Variants in TMC1 observed in about 807,000 individuals in gnomAD.
TMC1 encodes the protein transmembrane channel like 1, also known as transmembrane channel-like protein 1.
A neutral mutation model predicts 105.8 loss-of-function variants in TMC1; 84 were observed. That is an observed-to-expected ratio of 0.79 (90% CI 0.67 to 0.95). The LOEUF (loss-of-function observed/expected upper bound fraction) is 0.95. Ranked by LOEUF, TMC1 falls within the 40% of genes least tolerant of loss-of-function variation. The pLI, the probability that TMC1 is intolerant of heterozygous loss-of-function variation, is 0.00. For synonymous variants in TMC1, 315 were observed against 311.5 expected (o/e 1.01, Z -0.12); for missense variants, 817 against 914.1 (o/e 0.89, Z 1.37).
chr9:72,605,174 C>T (rs991161471), intron 2 of TMC1, among the ~76,000 whole-genome samples: 1 of 152,150 alleles, frequency 6.6e-6, no homozygotes, highest in Non-Finnish European at 1.5e-5. Flanking sequence ...AATCACTGCT[C>T]ATCATATTAC....
At chr9:72,609,801 C>A (rs759160929) in intron 2 of TMC1, among the ~76,000 whole-genome samples, 4 of 146,746 alleles carry the variant, frequency 2.7e-5, no homozygotes, top group Non-Finnish European at 6.0e-5. Context: ...TTTTTTTTTT[C>A]TTTGCCTGAA....
chr9:72,738,871 A>G (rs1173826268), intron 8 of TMC1, among the ~76,000 whole-genome samples: 1 of 152,180 alleles, frequency 6.6e-6, no homozygotes, highest in African/African-American at 2.4e-5. Flanking sequence ...GGCTTGGGTT[A>G]TCTGTTTCTA....
Position 72,656,107 on chromosome 9 carries a change from A to C in TMC1, c.16+7443A>C, listed in dbSNP as rs865807426. ...AGCACACACCTTCGCCAGGGATTTT[A>C]CATTGCAGCTTGTTAGAGTGATTCG... On this transcript the variant is annotated intron_variant, in intron 5 of 23. Coordinates refer to ENST00000297784, the MANE Select transcript of TMC1 (RefSeq NM_138691.3). 12 of 674,238 alleles carry C rather than the reference A, an allele frequency of 1.8e-5. No individual in the cohort carries two copies. The African/African-American group carries it at 2.1e-4, about 12-fold the overall frequency. The allele number at this position is 674,238 out of a possible 1,614,324, so 41.8% of individuals were successfully genotyped here.
intron 18 of TMC1, among the ~76,000 whole-genome samples, chr9:72,810,750 G>T (rs1261128964): frequency 6.6e-6 from 1 of 152,124 alleles, no homozygotes; most frequent in Admixed American, 6.6e-5. Flanking sequence ...GTATGCAAAT[G>T]TAGTATAATT....
chr9:72,524,145 C>T (rs1386983336), intron 1 of TMC1, among the ~76,000 whole-genome samples: 1 of 152,136 alleles, frequency 6.6e-6, no homozygotes, highest in Non-Finnish European at 1.5e-5. Context: ...ATCAGTTGAG[C>T]TTTTGCAGAA....
At chr9:72,664,981 T>C (rs1015863685) in intron 5 of TMC1, among the ~76,000 whole-genome samples, 1 of 152,192 alleles carries the variant, frequency 6.6e-6, no homozygotes, top group Non-Finnish European at 1.5e-5. Context: ...CCCTGGCTCC[T>C]GCACCTATCT....
chr9:72,822,442 A>G (rs1210785715), intron 20 of TMC1, among the ~76,000 whole-genome samples: 1 of 152,064 alleles, frequency 6.6e-6, no homozygotes, highest in Non-Finnish European at 1.5e-5. Flanking sequence ...ATGTTAAGCC[A>G]GCTGATCGAG....
At position 72,680,424 on chromosome 9, in the gene TMC1, C is replaced by T. The variant is rs1450756304; in HGVS notation, c.17-8285C>T. On this transcript the variant is annotated intron_variant, in intron 5 of 23. Coordinates refer to ENST00000297784, the MANE Select transcript of TMC1 (RefSeq NM_138691.3). ...TGTTGACTGTGTTAACTCATATTCC[C>T]GGTTAGGTAGCAAGTCCTATGAAGT... Among the ~76,000 whole-genome samples the T allele has an allele frequency of 4.0e-5, 6 of 151,882 alleles. No individual in the cohort carries two copies. The East Asian group carries it at 7.7e-4, about 20-fold the overall frequency.
At chr9:72,787,041 G>A (rs1159499153) in intron 13 of TMC1, among the ~76,000 whole-genome samples, 1 of 145,162 alleles carries the variant, frequency 6.9e-6, no homozygotes, top group Non-Finnish European at 1.5e-5. Flanking sequence ...AAAGCATTTT[G>A]TATGGCTTTT....
chr9:72,541,415 C>T (rs1343430683), intron 1 of TMC1, among the ~76,000 whole-genome samples: 2 of 152,092 alleles, frequency 1.3e-5, no homozygotes, highest in African/African-American at 2.4e-5. Context: ...CGGCTGGGTG[C>T]GATGGCTCAT....
intron 8 of TMC1, among the ~76,000 whole-genome samples, chr9:72,726,274 T>C (rs1306919568): frequency 6.6e-6 from 1 of 152,238 alleles, no homozygotes; most frequent in African/African-American, 2.4e-5. Flanking sequence ...TTTACCTATA[T>C]ATTTATATAT....
intron 5 of TMC1, chr9:72,651,092 T>C (rs948079056): frequency 6.8e-6 from 1 of 147,580 alleles, no homozygotes; most frequent in Non-Finnish European, 1.5e-5. Flanking sequence ...AATATATAGA[T>C]ATATATATCA....
intron 13 of TMC1, among the ~76,000 whole-genome samples, chr9:72,775,255 C>CT (rs35632654): frequency 5.7e-4 from 84 of 146,884 alleles, no homozygotes; most frequent in South Asian, 1.3e-3. Context: ...TTCTTTTATC[C>CT]TTTTTTTTTT....
chr9:72,694,541 A>G lies in TMC1; in HGVS notation c.65-2A>G. 1 of 1,611,908 alleles carries G rather than the reference A, an allele frequency of 6.2e-7. No homozygotes were observed. The highest frequency in any genetic ancestry group is 8.5e-7 in the Non-Finnish European group (1 of 1,178,738). On this transcript the variant is annotated splice_acceptor_variant, in intron 6 of 23. Coordinates refer to ENST00000297784, the MANE Select transcript of TMC1 (RefSeq NM_138691.3). LOFTEE classifies it high-confidence loss of function. ...ACTCATTGAATCAAGTGCTATGTTTAGGTGAAGAGGAAGAGGAGGTGGAAG... is the reference window on the plus strand; with the variant it reads ...ACTCATTGAATCAAGTGCTATGTTTGGGTGAAGAGGAAGAGGAGGTGGAAG...
At chr9:72,797,155 A>T (rs183456657) in intron 17 of TMC1, among the ~76,000 whole-genome samples, 2 of 152,230 alleles carry the variant, frequency 1.3e-5, no homozygotes, top group East Asian at 3.9e-4. Flanking sequence ...GAATGCAGCT[A>T]ACAAGGGAAG....
intron 18 of TMC1, among the ~76,000 whole-genome samples, chr9:72,814,084 A>C (rs1437601863): frequency 6.6e-6 from 1 of 152,210 alleles, no homozygotes; most frequent in Non-Finnish European, 1.5e-5. Flanking sequence ...GAGAGAGTGA[A>C]GAAAACAGGC....
intron 1 of TMC1, among the ~76,000 whole-genome samples, chr9:72,549,528 C>T (rs4590506): frequency 0.52 from 79,328 of 151,422 alleles, 21,726 homozygotes; most frequent in African/African-American, 0.69. Flanking sequence ...GTGCAACCTC[C>T]GCCTCCCAGT....
At chr9:72,654,381 T>C (rs1318101438) in intron 5 of TMC1, among the ~76,000 whole-genome samples, 2 of 152,216 alleles carry the variant, frequency 1.3e-5, no homozygotes, top group African/African-American at 4.8e-5. Context: ...TTAACATGCT[T>C]TTATATCTTC....
At chr9:72,618,022 C>CTT (rs34497983) in intron 3 of TMC1, among the ~76,000 whole-genome samples, 13,032 of 79,174 alleles carry the variant, frequency 0.16, 2,067 homozygotes, top group East Asian at 0.24. Flanking sequence ...CTGGGTACAT[C>CTT]TTTTTTTTTT....
Sources: gnomAD v4.1 joint callset for allele counts (sites outside exome capture counted in the v4.1 genomes callset) on GRCh38, gnomAD v4.1.1 for gene constraint, MANE v1.5 for transcripts, NCBI Gene and HGNC (gene_info 2026-07-23, HGNC 2026-07-21) for gene names.